Variants in ABCA5 observed in about 807,000 individuals in gnomAD.
ABCA5 encodes ATP binding cassette subfamily A member 5, also known as cholesterol transporter ABCA5.
ABCA5 carries 163 observed loss-of-function variants against 206.0 expected under a neutral mutation model. The observed-to-expected ratio is 0.79, with a 90% CI of 0.70 to 0.90. ABCA5 has a LOEUF of 0.90. ABCA5 is among the 40% of genes least tolerant of loss of function. The pLI is 0.00. For missense variants in ABCA5, 1,859 were observed against 1,912.9 expected (o/e 0.97, Z 0.53); for synonymous variants, 609 against 613.8 (o/e 0.99, Z 0.11).
chr17:69,255,348 A>C (rs766944367), intron 31 of ABCA5, among the ~76,000 whole-genome samples, 195 bp downstream of exon 31: 44 of 152,216 alleles, frequency 2.9e-4, no homozygotes, highest in Admixed American at 1.3e-4. Flanking sequence ...GTGTGTCTAC[A>C]TGTGTCTATG....
In ABCA5 at chr17:69,297,362, G is replaced by T; in HGVS notation, c.1268-3C>A. 1 of 1,577,236 alleles carries T rather than the reference G, an allele frequency of 6.3e-7. No individual in the cohort carries two copies. The highest frequency in any genetic ancestry group is 8.6e-7 in the Non-Finnish European group (1 of 1,169,232). On this transcript the variant is annotated splice_region_variant and splice_polypyrimidine_tract_variant and intron_variant, in intron 9 of 38. Coordinates refer to ENST00000392676, the MANE Select transcript of ABCA5 (RefSeq NM_172232.4). ...TGATCTCCGTAAGCCAAATTCCCCT[G>T]AAAAATAAACATTAAAAAACTGAGT...
At chr17:69,296,942 G>A (rs1286178220) in intron 10 of ABCA5, among the ~76,000 whole-genome samples, 1 of 152,188 alleles carries the variant, frequency 6.6e-6, no homozygotes, top group East Asian at 1.9e-4. Context: ...TCCAGGCTGG[G>A]CGACAGAGCG....
At chr17:69,285,038 CTG>C (rs1238842538) in intron 17 of ABCA5, among the ~76,000 whole-genome samples, 2 of 152,168 alleles carry the variant, frequency 1.3e-5, no homozygotes, top group African/African-American at 2.4e-5. Context: ...CACTTTCTAC[CTG>C]TGTTACCTTG....
At chr17:69,254,077 CATG>C (rs1419772257) in intron 32 of ABCA5, among the ~76,000 whole-genome samples, 2 of 152,016 alleles carry the variant, frequency 1.3e-5, no homozygotes, top group Non-Finnish European at 2.9e-5. Flanking sequence ...AAATAAGTTT[CATG>C]ATATCTATAG....
Position 69,306,922 on chromosome 17 carries a change from C to T in ABCA5, c.591G>A (p.Leu197=), listed in dbSNP as rs1478826574. 6.4e-7 allele frequency: 1 copy of T among 1,566,184 alleles called. No homozygotes were observed. The highest frequency in any genetic ancestry group is 1.2e-5 in the South Asian group (1 of 82,190). The change falls in exon 6 of 39, where the codon CTG becomes CTA. Residue 197 remains leucine, a synonymous_variant. Transcript: ENST00000392676. ...CCATAATAACAGCTTTAGTTGACTC[C>T]AGCTCCTTCCAAAGAGAAACATTGG... ...LKTNVSLWKE[L]ESTKAVIMGE... is the part of the protein sequence containing the mutation.
chr17:69,298,211 G>A (rs188684924), intron 9 of ABCA5, among the ~76,000 whole-genome samples: 4 of 105,606 alleles, frequency 3.8e-5, no homozygotes, highest in Admixed American at 1.0e-4. Context: ...AAACCCTGTC[G>A]GAAGGAAGGA....
intron 24 of ABCA5, 135 bp downstream of exon 24, chr17:69,264,600 T>C: frequency 4.2e-6 from 2 of 481,734 alleles, no homozygotes; most frequent in South Asian, 7.3e-5. Context: ...ATGTATTAAA[T>C]ACCAGACACA....
chr17:69,320,815 A>T (rs79826616), intron 1 of ABCA5, among the ~76,000 whole-genome samples: 6,468 of 152,270 alleles, frequency 0.042, 186 homozygotes, highest in Non-Finnish European at 0.067. Context: ...GATATGGCGA[A>T]TAAATAAGCA....
intron 1 of ABCA5, chr17:69,318,731 C>G (rs764496721): frequency 1.6e-6 from 1 of 621,054 alleles, no homozygotes; most frequent in Non-Finnish European, 3.0e-6. Context: ...GGAGTAGACA[C>G]CATGAGCAAA....
chr17:69,261,315 A>C, intron 25 of ABCA5, 56 bp from the exon 26 acceptor site: 3 of 1,505,960 alleles, frequency 2.0e-6, no homozygotes, highest in Non-Finnish European at 2.7e-6. Flanking sequence ...CTTCTTACAA[A>C]TTGGTGTCTA....
At chr17:69,286,481 T>C (rs2075454992) in intron 15 of ABCA5, among the ~76,000 whole-genome samples, 170 bp from the exon 16 acceptor site, 1 of 152,198 alleles carries the variant, frequency 6.6e-6, no homozygotes, top group East Asian at 1.9e-4. Context: ...TTTTCAGATA[T>C]GAATACTAAG....
chr17:69,323,213 A>AG (rs2075877657), intron 1 of ABCA5, among the ~76,000 whole-genome samples: 1 of 152,172 alleles, frequency 6.6e-6, no homozygotes, highest in South Asian at 2.1e-4. Flanking sequence ...CAGGGATAAA[A>AG]GACCGCTGAC....
chr17:69,298,316 GAGGAAGGAAGGAAGGA>G (rs71144670), intron 9 of ABCA5, among the ~76,000 whole-genome samples: 1 of 42,058 alleles, frequency 2.4e-5, no homozygotes, highest in Non-Finnish European at 6.3e-5. Context: ...AAGAGAGAGA[GAGGAAGGAAGGAAGGA>G]AGGAAGGAAG....
At chr17:69,286,417 CATT>C (rs2075454295) in intron 15 of ABCA5, 106 bp from the exon 16 acceptor site, 11 of 948,068 alleles carry the variant, frequency 1.2e-5, no homozygotes, top group Non-Finnish European at 1.7e-5. Flanking sequence ...ATTATGATAT[CATT>C]AATCATCACA....
intron 35 of ABCA5, chr17:69,250,861 T>C (rs2075005170): frequency 4.0e-6 from 1 of 250,740 alleles, no homozygotes; most frequent in Non-Finnish European, 7.5e-6. Context: ...TCCTTGTCAC[T>C]GAACTCCATA....
At chr17:69,282,194 G>A (rs866177013) in intron 18 of ABCA5, among the ~76,000 whole-genome samples, 10 of 152,032 alleles carry the variant, frequency 6.6e-5, no homozygotes, top group South Asian at 2.1e-4. Context: ...ACAAATAACT[G>A]ACCACTTCCT....
At chr17:69,279,767 A>G (rs1181204661) in intron 18 of ABCA5, among the ~76,000 whole-genome samples, 2 of 152,318 alleles carry the variant, frequency 1.3e-5, no homozygotes, top group East Asian at 3.9e-4. Flanking sequence ...AACCTGAGAA[A>G]AACGAGCAAT....
chr17:69,309,016 G>A (rs914603024), intron 4 of ABCA5, among the ~76,000 whole-genome samples: 2 of 151,964 alleles, frequency 1.3e-5, no homozygotes, highest in Non-Finnish European at 2.9e-5. Flanking sequence ...TTTGCTTTAT[G>A]CTACTGTATT....
chr17:69,305,891 T>C (rs1381026755), intron 6 of ABCA5, among the ~76,000 whole-genome samples: 1 of 151,966 alleles, frequency 6.6e-6, no homozygotes, highest in African/African-American at 2.4e-5. Flanking sequence ...CCAAAACCAA[T>C]AATTTCTAAA....
Sources: allele counts gnomAD v4.1 joint callset (sites outside exome capture counted in the v4.1 genomes callset), GRCh38; gene constraint gnomAD v4.1.1; transcripts MANE v1.5; gene names NCBI Gene and HGNC (gene_info 2026-07-23, HGNC 2026-07-21).